KANSL1: variants seen among roughly 807,000 people sequenced by gnomAD.
KANSL1 encodes the protein KAT8 regulatory NSL complex subunit 1.
In KANSL1, 22 loss-of-function variants were observed where a neutral mutation model predicts 103.6. That is an observed-to-expected ratio of 0.21 (90% CI 0.15 to 0.30). The LOEUF (loss-of-function observed/expected upper bound fraction) is 0.30, where lower values mean the gene tolerates loss of function less well. KANSL1 is among the 10% of genes least tolerant of loss of function. KANSL1 has a pLI of 1.00. For synonymous variants in KANSL1, 600 were observed against 527.6 expected, an observed-to-expected ratio of 1.14 and a Z score of -1.88; for missense variants, 1,337 against 1,399.8, an observed-to-expected ratio of 0.96 and a Z score of 0.72.
intron 2 of KANSL1, among the ~76,000 whole-genome samples, chr17:46,113,399 C>G (rs542978336): frequency 5.6e-4 from 85 of 152,268 alleles, no homozygotes; most frequent in African/African-American, 2.0e-3. Flanking sequence ...TAAGCCATGA[C>G]CCAGCATTTA....
chr17:46,212,021 G>A (rs2048182312), intron 1 of KANSL1, among the ~76,000 whole-genome samples: 1 of 152,160 alleles, frequency 6.6e-6, no homozygotes, highest in South Asian at 2.1e-4. Flanking sequence ...ACAGACCCCG[G>A]ACAGACAGAC....
At chr17:46,068,297 C>A (rs1460644344) in intron 4 of KANSL1, among the ~76,000 whole-genome samples, 1 of 151,970 alleles carries the variant, frequency 6.6e-6, no homozygotes, top group African/African-American at 2.4e-5. Flanking sequence ...GGGATGGTGG[C>A]TCATGACTGT....
At chr17:46,056,642 C>A (rs1188123891) in intron 6 of KANSL1, among the ~76,000 whole-genome samples, 1 of 152,160 alleles carries the variant, frequency 6.6e-6, no homozygotes, top group Non-Finnish European at 1.5e-5. Flanking sequence ...ATCTTGATTT[C>A]AAAATTCTAG....
At chr17:46,173,481 C>T (rs2046380747) in intron 1 of KANSL1, among the ~76,000 whole-genome samples, 1 of 152,188 alleles carries the variant, frequency 6.6e-6, no homozygotes, top group Non-Finnish European at 1.5e-5. Flanking sequence ...GTCTGGGAGC[C>T]AAAGGAAACA....
In KANSL1 at chr17:46,038,452, C is replaced by A. The variant is rs1016822617; in HGVS notation, c.2541+86G>T. 6 of 1,447,684 alleles carry A rather than the reference C, an allele frequency of 4.1e-6. No individual in the cohort carries two copies. The African/African-American group carries it at 5.6e-5, about 14-fold the overall frequency. The allele number at this position is 1,447,684 out of a possible 1,614,324, so 89.7% of individuals were successfully genotyped here. On this transcript the variant is annotated intron_variant, in intron 10 of 14. Coordinates refer to ENST00000432791, the MANE Select transcript of KANSL1 (RefSeq NM_015443.4). ...CCTATAAATGCCCTGGGCTTTATAA[C>A]CCACCCTCACACTGTCCTCTGGAGC... is the stretch of plus-strand genomic sequence containing the variant.
intron 1 of KANSL1, among the ~76,000 whole-genome samples, chr17:46,175,064 A>G (rs1328971110): frequency 2.0e-5 from 3 of 152,230 alleles, no homozygotes; most frequent in Admixed American, 6.5e-5. Context: ...TGAGACCAAA[A>G]TGCTTGTGAA....
In KANSL1 at chr17:46,111,268, T is replaced by C. The variant is rs578195548; in HGVS notation, c.1290-16567A>G. 2.7e-3 allele frequency among the ~76,000 whole-genome samples: 408 copies of C among 152,196 alleles called. 3 individuals carry two copies. The highest frequency in any genetic ancestry group is 9.3e-3 in the African/African-American group (388 of 41,582). ...CTCTGTCGTCCAGGCTGGAGTGCGA[T>C]GGCGTGATCTCGGCTTACTGCAACC... is the stretch of plus-strand genomic sequence containing the variant. On this transcript the variant is annotated intron_variant, in intron 2 of 14. Coordinates refer to ENST00000432791, the MANE Select transcript of KANSL1 (RefSeq NM_015443.4).
intron 2 of KANSL1, among the ~76,000 whole-genome samples, chr17:46,123,454 T>C (rs956147056): frequency 3.9e-5 from 6 of 152,250 alleles, no homozygotes; most frequent in Non-Finnish European, 7.3e-5. Flanking sequence ...AAAGCCAACA[T>C]AGGCTGAAAG....
chr17:46,068,067 G>A (rs935707180), intron 4 of KANSL1, among the ~76,000 whole-genome samples: 3 of 152,054 alleles, frequency 2.0e-5, no homozygotes, highest in Non-Finnish European at 4.4e-5. Context: ...CCTATTGACA[G>A]GAAAATGACC....
At chr17:46,056,552 T>TA (rs2077937278) in intron 6 of KANSL1, among the ~76,000 whole-genome samples, 1 of 148,730 alleles carries the variant, frequency 6.7e-6, no homozygotes. Flanking sequence ...TCTCGACTCT[T>TA]AATCACTTTT....
At chr17:46,193,714 G>A (rs1265542005), upstream of KANSL1, 3 of 261,720 alleles carry the variant, frequency 1.1e-5, no homozygotes, top group East Asian at 3.5e-4. Context: ...GCGGCAGGGG[G>A]AAGCCAGCCC....
chr17:46,202,094 C>G (rs2047825224), intron 1 of KANSL1, among the ~76,000 whole-genome samples: 1 of 152,026 alleles, frequency 6.6e-6, no homozygotes, highest in Non-Finnish European at 1.5e-5. Flanking sequence ...AGGAGAATGA[C>G]TTGAGCCCAG....
Position 46,050,419 on chromosome 17 carries a change from G to C in KANSL1, c.2020+114C>G. 1.8e-6 allele frequency: 2 copies of C among 1,106,084 alleles called. 1 individual carries two copies. The highest frequency in any genetic ancestry group is 4.2e-4 in the Middle Eastern group (2 of 4,818). The allele number at this position is 1,106,084 out of a possible 1,614,324, so 68.5% of individuals were successfully genotyped here. Reference sequence around the variant, plus strand: ...AATTCTAAGAGAAGACTTGGTTGACGAAAGTTGTACCTTGAAAGTATCTGA... The same window carrying C: ...AATTCTAAGAGAAGACTTGGTTGACCAAAGTTGTACCTTGAAAGTATCTGA... On this transcript the variant is annotated intron_variant, in intron 7 of 14. Transcript: ENST00000432791.
At chr17:46,064,138 CT>C (rs1203035397) in intron 6 of KANSL1, among the ~76,000 whole-genome samples, 1 of 149,518 alleles carries the variant, frequency 6.7e-6, no homozygotes, top group Non-Finnish European at 1.5e-5. Context: ...TTATCTATTT[CT>C]GCTATTTTGA....
intron 6 of KANSL1, among the ~76,000 whole-genome samples, chr17:46,064,157 G>A (rs2078289125): frequency 6.6e-6 from 1 of 151,338 alleles, no homozygotes; most frequent in South Asian, 2.1e-4. Context: ...TGATATTTCA[G>A]GTAGAGTCCG....
At chr17:46,033,647 C>G (rs1178264483) in intron 11 of KANSL1, 187 bp from the exon 12 acceptor site, 1 of 625,392 alleles carries the variant, frequency 1.6e-6, no homozygotes, top group Non-Finnish European at 2.9e-6. Flanking sequence ...GCCACCTACT[C>G]AAATGCCCAA....
chr17:46,067,440 A>C, intron 5 of KANSL1, 109 bp downstream of exon 5: 1 of 728,134 alleles, frequency 1.4e-6, no homozygotes, highest in Non-Finnish European at 2.5e-6. Context: ...CTAAGTGATA[A>C]GGCTTCCGCT....
At chr17:46,196,323 AT>A, upstream of KANSL1, 1 of 456,340 alleles carries the variant, frequency 2.2e-6, no homozygotes, top group South Asian at 1.5e-5. Flanking sequence ...TATCCACTCT[AT>A]TCTGATTAGT....
Position 46,171,269 on chromosome 17 carries a change from G to C in KANSL1, c.875C>G (p.Ala292Gly). Residue 292 changes from alanine to glycine, a missense_variant, in exon 2 of 15, where the codon GCT becomes GGT. Coordinates refer to ENST00000432791, the MANE Select transcript of KANSL1 (RefSeq NM_015443.4). Reference sequence around the variant, plus strand: ...TCTGCGGGCACGGCTCTCAATGTCAGCCTGTCGCCGCAGTAAAGCTGTTAT... The same window carrying C: ...TCTGCGGGCACGGCTCTCAATGTCACCCTGTCGCCGCAGTAAAGCTGTTAT... ...TRITALLRRQ[A>G]DIESRARRLQ... 1.9e-6 allele frequency: 3 copies of C among 1,614,108 alleles called. No individual in the cohort carries two copies. Among genetic ancestry groups the C allele is most frequent in the Non-Finnish European group, 2.5e-6 (3 of 1,180,042 alleles).
Sources: allele counts gnomAD v4.1 joint callset (sites outside exome capture counted in the v4.1 genomes callset), GRCh38; gene constraint gnomAD v4.1.1; transcripts MANE v1.5; gene names NCBI Gene and HGNC (gene_info 2026-07-23, HGNC 2026-07-21).